Variants in ZNF407 observed in about 807,000 individuals in gnomAD.
ZNF407 encodes the protein zinc finger protein 407.
A neutral mutation model predicts 131.2 loss-of-function variants in ZNF407; 17 were observed. The observed-to-expected ratio is 0.13, with a 90% CI of 0.09 to 0.19. The LOEUF (loss-of-function observed/expected upper bound fraction) is 0.19. Among genes scored for constraint, ZNF407 ranks in the 10% least tolerant of loss-of-function variants. The probability of loss-of-function intolerance (pLI) is 1.00; values close to 1 mark genes in which losing one functional copy is unlikely to be tolerated. For missense variants in ZNF407, 2,681 were observed against 2,830.6 expected, an observed-to-expected ratio of 0.95 and a Z score of 1.20; for synonymous variants, 1,156 against 1,062.0, an observed-to-expected ratio of 1.09 and a Z score of -1.72.
chr18:74,827,630 G>T (rs373680337), intron 4 of ZNF407, among the ~76,000 whole-genome samples: 7 of 152,148 alleles, frequency 4.6e-5, no homozygotes, highest in African/African-American at 1.7e-4. Context: ...TCTCAGCCCT[G>T]GAATTGTCTC....
chr18:75,005,520 C>T (rs1599289614), intron 8 of ZNF407, among the ~76,000 whole-genome samples: 1 of 151,988 alleles, frequency 6.6e-6, no homozygotes, highest in Admixed American at 6.6e-5. Context: ...TTGGAAAATT[C>T]ATTTCTATTG....
chr18:74,725,905 G>A (rs751873037), intron 3 of ZNF407, among the ~76,000 whole-genome samples: 2 of 152,110 alleles, frequency 1.3e-5, no homozygotes, highest in South Asian at 2.1e-4. Context: ...TTGGCCTATC[G>A]ACATCCTTAT....
intron 8 of ZNF407, among the ~76,000 whole-genome samples, chr18:74,943,411 T>C (rs1972122057): frequency 6.6e-6 from 1 of 152,230 alleles, no homozygotes; most frequent in African/African-American, 2.4e-5. Flanking sequence ...TTTGTCTGAA[T>C]TGCTGCCCTA....
intron 3 of ZNF407, among the ~76,000 whole-genome samples, chr18:74,746,070 C>G (rs930064521): frequency 2.6e-5 from 4 of 152,284 alleles, no homozygotes; most frequent in African/African-American, 9.6e-5. Flanking sequence ...TACCACACAC[C>G]TAGGCTAGAT....
At chr18:74,847,725 T>C (rs1016952431) in intron 4 of ZNF407, among the ~76,000 whole-genome samples, 4 of 152,192 alleles carry the variant, frequency 2.6e-5, no homozygotes, top group Admixed American at 2.0e-4. Context: ...TATTGCAGTG[T>C]GTGACCATGT....
chr18:75,062,244 T>C (rs1276994054), intron 8 of ZNF407: 1 of 152,304 alleles, frequency 6.6e-6, no homozygotes, highest in African/African-American at 2.4e-5. Flanking sequence ...GTTTCGTTTT[T>C]ACATCTTTCC....
rs1972473564 is a variant in ZNF407 at position 74,971,626 on chromosome 18, T to C, written c.5428+50934T>C. Among the ~76,000 whole-genome samples, 4 of 152,204 alleles carry C rather than the reference T, an allele frequency of 2.6e-5. No individual in the cohort carries two copies. In the South Asian group the frequency reaches 8.3e-4, roughly 31 times the overall value. On this transcript the variant is annotated intron_variant, in intron 8 of 8. Transcript: ENST00000299687. Reference sequence around the variant, plus strand: ...TGAGACCAGCTCAGCTTGGACCTTATTTTCCTTATCGCTGTCAGCATTTTG... The same window carrying C: ...TGAGACCAGCTCAGCTTGGACCTTACTTTCCTTATCGCTGTCAGCATTTTG...
intron 4 of ZNF407, among the ~76,000 whole-genome samples, chr18:74,817,627 A>G (rs950635637): frequency 6.6e-5 from 10 of 152,300 alleles, no homozygotes; most frequent in Admixed American, 2.0e-4. Flanking sequence ...TTACTATGAC[A>G]CTATTTAAGA....
At chr18:75,045,485 T>G (rs1973424751) in intron 8 of ZNF407, among the ~76,000 whole-genome samples, 1 of 152,178 alleles carries the variant, frequency 6.6e-6, no homozygotes, top group Non-Finnish European at 1.5e-5. Flanking sequence ...GCCCTGGAAA[T>G]GTGGCTAAAG....
Position 75,048,765 on chromosome 18 carries a change from A to T in ZNF407, c.5429-14385A>T, listed in dbSNP as rs906507. 6.6e-6 allele frequency among the ~76,000 whole-genome samples: 1 copy of T among 152,158 alleles called. No homozygotes were observed. The highest frequency in any genetic ancestry group is 1.5e-5 in the Non-Finnish European group (1 of 68,028). ...AAGATATGAGGGCCTGCTATTTGCA[A>T]GCATATATTTGCAAATAACATATTT... On this transcript the variant is annotated intron_variant, in intron 8 of 8. Transcript: ENST00000299687. This position sits in a 1 kb window ranked among gnomAD's most constrained non-coding sequence, Gnocchi z 4.1.
intron 3 of ZNF407, among the ~76,000 whole-genome samples, chr18:74,722,763 T>A (rs1406626338): frequency 6.6e-6 from 1 of 152,248 alleles, no homozygotes; most frequent in Non-Finnish European, 1.5e-5. Flanking sequence ...ATTTTCAGAA[T>A]GTTGAAATTG....
intron 3 of ZNF407, among the ~76,000 whole-genome samples, chr18:74,764,172 A>G (rs943997408): frequency 1.3e-5 from 2 of 151,296 alleles, no homozygotes; most frequent in Non-Finnish European, 1.5e-5. Context: ...TTTTTTGCCC[A>G]TTATTTCTTC....
chr18:74,859,771 G>A (rs1432623171), intron 4 of ZNF407, among the ~76,000 whole-genome samples: 3 of 152,148 alleles, frequency 2.0e-5, no homozygotes, highest in Non-Finnish European at 4.4e-5. Context: ...CTGGAGGATA[G>A]GCCCTGTGTC....
intron 8 of ZNF407, among the ~76,000 whole-genome samples, chr18:75,027,976 G>C (rs1206739473): frequency 6.6e-6 from 1 of 152,208 alleles, no homozygotes; most frequent in Non-Finnish European, 1.5e-5. Context: ...ATGGTAATGT[G>C]AGCACAAGGC....
intron 7 of ZNF407, among the ~76,000 whole-genome samples, chr18:74,907,679 G>T (rs538005773): frequency 6.6e-6 from 1 of 152,096 alleles, no homozygotes; most frequent in Non-Finnish European, 1.5e-5. Context: ...TTTACAACCC[G>T]TTTCTCTCTT....
chr18:74,658,652 T>C (rs933821314), intron 3 of ZNF407, among the ~76,000 whole-genome samples: 5 of 152,214 alleles, frequency 3.3e-5, no homozygotes, highest in African/African-American at 9.6e-5. Context: ...AATAATTCTT[T>C]ACAAACTGTT....
Position 74,724,231 on chromosome 18 carries a change from A to G in ZNF407, c.4803-57197A>G, listed in dbSNP as rs146385008. On this transcript the variant is annotated intron_variant, in intron 3 of 8. Coordinates refer to ENST00000299687, the MANE Select transcript of ZNF407 (RefSeq NM_017757.3). ...TTTAATTGATGTAATAATTGTACAT[A>G]TTTGGGGATATAGTTTGATGTTTAA... 2.2e-3 allele frequency among the ~76,000 whole-genome samples: 333 copies of G among 152,268 alleles called. 2 individuals carry two copies. Among genetic ancestry groups the G allele is most frequent in the African/African-American group, 7.4e-3 (308 of 41,552 alleles).
At position 74,917,553 on chromosome 18, in the gene ZNF407, G is replaced by A. The variant is rs571480477; in HGVS notation, c.5250-2961G>A. Among the ~76,000 whole-genome samples, 277 of 151,726 alleles carry A rather than the reference G, an allele frequency of 1.8e-3. 1 individual carries two copies. Among genetic ancestry groups the A allele is most frequent in the African/African-American group, 5.0e-3 (206 of 41,358 alleles). ...CTCCCCTCCCTTTGTCCCCATATAC[G>A]TCTTACCTATTTCAGTAATAGTCCC... On this transcript the variant is annotated intron_variant, in intron 7 of 8. Coordinates refer to ENST00000299687, the MANE Select transcript of ZNF407 (RefSeq NM_017757.3).
intron 8 of ZNF407, among the ~76,000 whole-genome samples, chr18:75,043,954 C>G (rs1447825293): frequency 6.6e-6 from 1 of 152,184 alleles, no homozygotes; most frequent in Admixed American, 6.5e-5. Context: ...ACTTTGAACA[C>G]TGAGAGCTGC....
Sources: allele counts gnomAD v4.1 joint callset (sites outside exome capture counted in the v4.1 genomes callset), GRCh38; gene constraint gnomAD v4.1.1; non-coding constraint Gnocchi (gnomAD v3.1); transcripts MANE v1.5; gene names NCBI Gene and HGNC (gene_info 2026-07-23, HGNC 2026-07-21).